RHCG: variants seen among roughly 807,000 people sequenced by gnomAD.
RHCG encodes the protein ammonium transporter Rh type C.
In RHCG, 39 loss-of-function variants were observed where a neutral mutation model predicts 55.3. The ratio of observed to expected loss-of-function variants is 0.70; its 90% CI spans 0.55 to 0.92. RHCG has a LOEUF of 0.92. RHCG is among the 40% of genes least tolerant of loss of function. The pLI is 0.00. For synonymous variants in RHCG, 250 were observed against 246.8 expected (o/e 1.01, Z -0.12); for missense variants, 635 against 627.9 (o/e 1.01, Z -0.12).
chr15:89,480,114 C>A lies in RHCG; in HGVS notation c.670+147G>T, dbSNP rs140384173. 4 of 1,010,388 alleles carry A rather than the reference C, an allele frequency of 4.0e-6. No homozygotes were observed. In the East Asian group the frequency reaches 9.8e-5, roughly 25 times the overall value. The allele number at this position is 1,010,388 out of a possible 1,614,324, so 62.6% of individuals were successfully genotyped here. Reference sequence around the variant, plus strand: ...TTGCCCTTCCCCCAAAAAGAACTGGCAGCCATGCACCATACCACGTGGGGA... The same window carrying A: ...TTGCCCTTCCCCCAAAAAGAACTGGAAGCCATGCACCATACCACGTGGGGA... On this transcript the variant is annotated intron_variant, in intron 4 of 10. Transcript: ENST00000268122.
At chr15:89,482,321 G>A (rs1961282370) in intron 3 of RHCG, among the ~76,000 whole-genome samples, 1 of 152,206 alleles carries the variant, frequency 6.6e-6, no homozygotes, top group Non-Finnish European at 1.5e-5. Context: ...TGCAGCCGGG[G>A]AGATGAGTCA....
intron 9 of RHCG, among the ~76,000 whole-genome samples, chr15:89,474,934 CTGCCTTCCTGCCTTCATTCA>C (rs1246561833): frequency 3.0e-4 from 41 of 136,774 alleles, no homozygotes; most frequent in African/African-American, 1.1e-3. Flanking sequence ...GCCTGCCTTC[CTGCCTTCCTGCCTTCATTCA>C]TTCCTGCCTG....
chr15:89,484,015 A>C (rs927929397), intron 2 of RHCG, among the ~76,000 whole-genome samples: 25 of 152,332 alleles, frequency 1.6e-4, no homozygotes, highest in African/African-American at 5.8e-4. Flanking sequence ...GCCAGCAGCA[A>C]AGCTGCCCTC....
intron 3 of RHCG, among the ~76,000 whole-genome samples, chr15:89,481,843 C>G (rs935694165): frequency 6.6e-6 from 1 of 151,766 alleles, no homozygotes; most frequent in Non-Finnish European, 1.5e-5. Flanking sequence ...CTCTTGTTGC[C>G]CAGGCTGGAG....
At chr15:89,476,649 C>T in intron 9 of RHCG, 106 bp downstream of exon 9, 1 of 910,726 alleles carries the variant, frequency 1.1e-6, no homozygotes, top group Non-Finnish European at 1.8e-6. Context: ...GGCTCTGACC[C>T]CCACCCCCGG....
At chr15:89,493,174 C>T (rs890696162) in intron 1 of RHCG, among the ~76,000 whole-genome samples, 2 of 152,208 alleles carry the variant, frequency 1.3e-5, no homozygotes, top group Non-Finnish European at 2.9e-5. Flanking sequence ...GCTTCCTCCG[C>T]CCTGGGTCAT....
intron 9 of RHCG, among the ~76,000 whole-genome samples, chr15:89,474,693 A>ACT (rs1961098877): frequency 6.6e-6 from 1 of 152,092 alleles, no homozygotes. Flanking sequence ...ATGCTGCAGA[A>ACT]CTCAGTTGCC....
At position 89,477,549 on chromosome 15, in the gene RHCG, G is replaced by A. The variant is rs749611520; in HGVS notation, c.1080C>T (p.Ala360=). ...IGGIVGAVTA[A]SASLEVYGKE... ...TTCCATAGACTTCAAGGCTGGCGGAGGCCGCTGTCACAGCACCCACGATGC... is the reference window on the plus strand; with the variant it reads ...TTCCATAGACTTCAAGGCTGGCGGAAGCCGCTGTCACAGCACCCACGATGC... Residue 360 remains alanine, a synonymous_variant, in exon 7 of 11, where the codon GCC becomes GCT. Coordinates refer to ENST00000268122, the MANE Select transcript of RHCG (RefSeq NM_016321.3). This position sits in a 1 kb window ranked among gnomAD's most constrained non-coding sequence, Gnocchi z 4.5. 1 of 1,613,980 alleles carries A rather than the reference G, an allele frequency of 6.2e-7. No homozygotes were observed. Among genetic ancestry groups the A allele is most frequent in the Non-Finnish European group, 8.5e-7 (1 of 1,180,048 alleles).
intron 9 of RHCG, among the ~76,000 whole-genome samples, chr15:89,474,095 A>C (rs1961088903): frequency 6.6e-6 from 1 of 152,250 alleles, no homozygotes; most frequent in Non-Finnish European, 1.5e-5. Context: ...AGTGGTAAGG[A>C]GAAAGAGACG....
chr15:89,472,793 G>C lies in RHCG; in HGVS notation c.1382C>G (p.Pro461Arg). ...TAGTGGGGACACCATGGGTACTGAG[G>C]GTACTGAGGGTCCTGAGGGCTTGAA... ...PTFKPSGPSV[P>R]SVPMVSPLPM... is the part of the protein sequence containing the mutation. Residue 461 changes from proline to arginine, a missense_variant, in exon 10 of 11, where the codon CCC becomes CGC. Coordinates refer to ENST00000268122, the MANE Select transcript of RHCG (RefSeq NM_016321.3). 1 of 1,565,982 alleles carries C rather than the reference G, an allele frequency of 6.4e-7. No individual in the cohort carries two copies. Among genetic ancestry groups the C allele is most frequent in the Middle Eastern group, 1.7e-4 (1 of 5,994 alleles).
chr15:89,482,969 C>T (rs772484632), intron 3 of RHCG, 98 bp downstream of exon 3: 32 of 1,236,682 alleles, frequency 2.6e-5, no homozygotes, highest in Non-Finnish European at 3.3e-5. Flanking sequence ...TTAAGTGACT[C>T]GCCAGGCTGG....
chr15:89,486,725 T>C, intron 2 of RHCG, 74 bp downstream of exon 2: 1 of 1,424,394 alleles, frequency 7.0e-7, no homozygotes, highest in Admixed American at 1.9e-5. Context: ...GGGCACGCCC[T>C]CCTCCCTCAG....
chr15:89,475,324 C>T (rs979932053), intron 9 of RHCG, among the ~76,000 whole-genome samples: 5 of 152,104 alleles, frequency 3.3e-5, no homozygotes, highest in South Asian at 2.1e-4. Flanking sequence ...CAACCTCTGC[C>T]CCCCCGCCCC....
At chr15:89,476,420 T>C (rs1302051184) in intron 9 of RHCG, among the ~76,000 whole-genome samples, 1 of 152,164 alleles carries the variant, frequency 6.6e-6, no homozygotes, top group Non-Finnish European at 1.5e-5. Flanking sequence ...CCGGGCACCA[T>C]ACCATGGGGA....
At chr15:89,478,572 T>G (rs1961201374) in intron 5 of RHCG, among the ~76,000 whole-genome samples, 1 of 152,152 alleles carries the variant, frequency 6.6e-6, no homozygotes, top group Non-Finnish European at 1.5e-5. Context: ...CAGAAAGGTG[T>G]CTTGATCCAG....
intron 9 of RHCG, among the ~76,000 whole-genome samples, chr15:89,474,364 C>T (rs1289614947): frequency 6.6e-6 from 1 of 152,150 alleles, no homozygotes; most frequent in Non-Finnish European, 1.5e-5. Flanking sequence ...TTAAAATTAC[C>T]CTTAAAACTT....
intron 1 of RHCG, among the ~76,000 whole-genome samples, chr15:89,487,457 C>T (rs920113908): frequency 6.6e-6 from 1 of 152,204 alleles, no homozygotes. Context: ...CCGTCTGAGG[C>T]TATGATGCCC....
intron 1 of RHCG, among the ~76,000 whole-genome samples, chr15:89,488,933 C>A (rs969761671): frequency 3.3e-5 from 5 of 152,098 alleles, no homozygotes; most frequent in Non-Finnish European, 7.3e-5. Context: ...AGAATATCCC[C>A]CTTCTTAGGA....
chr15:89,483,418 CA>C (rs1241626918), intron 2 of RHCG, among the ~76,000 whole-genome samples: 1 of 152,146 alleles, frequency 6.6e-6, no homozygotes, highest in Non-Finnish European at 1.5e-5. Flanking sequence ...ACTAGTACAG[CA>C]GCACACACCA....
Sources: allele counts gnomAD v4.1 joint callset (sites outside exome capture counted in the v4.1 genomes callset), GRCh38; gene constraint gnomAD v4.1.1; non-coding constraint Gnocchi (gnomAD v3.1); transcripts MANE v1.5; gene names NCBI Gene and HGNC (gene_info 2026-07-23, HGNC 2026-07-21).